TNR: variants seen among roughly 807,000 people sequenced by gnomAD.
TNR encodes tenascin-R.
A neutral mutation model predicts 150.4 loss-of-function variants in TNR; 45 were observed. The observed-to-expected ratio is 0.30, with a 90% confidence interval of 0.24 to 0.38. The LOEUF is 0.38. TNR is among the 10% of genes least tolerant of loss of function. The pLI is 1.00. For missense variants in TNR, 1,544 were observed against 1,759.1 expected, an observed-to-expected ratio of 0.88 and a Z score of 2.19; for synonymous variants, 687 against 678.4, an observed-to-expected ratio of 1.01 and a Z score of -0.20.
At chr1:175,550,723 T>C (rs1189908873) in intron 1 of TNR, among the ~76,000 whole-genome samples, 1 of 150,376 alleles carries the variant, frequency 6.6e-6, no homozygotes, top group Non-Finnish European at 1.5e-5. Context: ...ATCTCTAGTA[T>C]AGAAAAAAAT....
At chr1:175,415,294 T>A (rs1052399088) in intron 2 of TNR, among the ~76,000 whole-genome samples, 2 of 152,220 alleles carry the variant, frequency 1.3e-5, no homozygotes, top group Non-Finnish European at 2.9e-5. Flanking sequence ...GAGGCAGCGC[T>A]GGGCTGCTGG....
At position 175,322,444 on chromosome 1, in the gene TNR, A is replaced by G. The variant is rs965385488; in HGVS notation, c.*913T>C. ...AAAGGTAACAGGACATGTGGCTGGT[A>G]TAATAAGAGTGTCAGAAGATGAGAA... is the stretch of plus-strand genomic sequence containing the variant. On this transcript the variant is annotated 3_prime_UTR_variant, in exon 23 of 23. Transcript: ENST00000367674. 6.6e-6 allele frequency: 1 copy of G among 152,276 alleles called. No individual in the cohort carries two copies. Among genetic ancestry groups the G allele is most frequent in the Non-Finnish European group, 1.5e-5 (1 of 68,078 alleles). 9.4% of individuals were successfully genotyped at this position (152,276 alleles called of 1,614,324 possible). A position where few individuals can be genotyped will look rare whatever the true frequency, so the allele number is the denominator to read the frequency against.
intron 1 of TNR, among the ~76,000 whole-genome samples, chr1:175,693,622 A>G (rs920602408): frequency 6.6e-6 from 1 of 152,186 alleles, no homozygotes; most frequent in Non-Finnish European, 1.5e-5. Flanking sequence ...AGGGATGGGG[A>G]TGAGGCAAAC....
intron 2 of TNR, among the ~76,000 whole-genome samples, chr1:175,453,436 G>A (rs1656417457): frequency 6.6e-6 from 1 of 152,166 alleles, no homozygotes; most frequent in South Asian, 2.1e-4. Flanking sequence ...TCACAAAGAT[G>A]AGCCCGGAGA....
At chr1:175,422,752 A>G (rs1022240062) in intron 2 of TNR, among the ~76,000 whole-genome samples, 4 of 152,018 alleles carry the variant, frequency 2.6e-5, no homozygotes, top group Admixed American at 1.3e-4. Context: ...ACACTCCCCA[A>G]TTGTCTTTCC....
chr1:175,516,397 A>C (rs999761142), intron 2 of TNR, among the ~76,000 whole-genome samples: 11 of 152,226 alleles, frequency 7.2e-5, no homozygotes, highest in Non-Finnish European at 1.6e-4. Context: ...CCAGGAGGAA[A>C]GTGGCACTTC....
intron 18 of TNR, among the ~76,000 whole-genome samples, chr1:175,343,715 A>C (rs1318789814): frequency 2.0e-5 from 3 of 152,214 alleles, no homozygotes; most frequent in Non-Finnish European, 4.4e-5. Flanking sequence ...TGTTAAATGT[A>C]TGATGCCATG....
At chr1:175,530,066 A>G (rs1660004739) in intron 1 of TNR, among the ~76,000 whole-genome samples, 1 of 152,256 alleles carries the variant, frequency 6.6e-6, no homozygotes, top group Non-Finnish European at 1.5e-5. Flanking sequence ...TATTATAATA[A>G]AAAAGTCAAT....
intron 1 of TNR, among the ~76,000 whole-genome samples, chr1:175,556,245 A>G (rs2102204595): frequency 6.6e-6 from 1 of 152,272 alleles, no homozygotes. Flanking sequence ...TCAGAAGGCT[A>G]ACAATCTAAA....
At chr1:175,671,268 A>G (rs894000101) in intron 1 of TNR, among the ~76,000 whole-genome samples, 1 of 151,762 alleles carries the variant, frequency 6.6e-6, no homozygotes, top group African/African-American at 2.4e-5. Flanking sequence ...TGCCTACTGA[A>G]CTCCTCCTTT....
intron 1 of TNR, among the ~76,000 whole-genome samples, chr1:175,675,141 G>A (rs993515645): frequency 6.6e-6 from 1 of 152,248 alleles, no homozygotes; most frequent in African/African-American, 2.4e-5. Flanking sequence ...AAGTTGCAGA[G>A]CAGCCAGGCA....
chr1:175,692,928 T>C (rs1428051427), intron 1 of TNR, among the ~76,000 whole-genome samples: 1 of 152,336 alleles, frequency 6.6e-6, no homozygotes, highest in African/African-American at 2.4e-5. Flanking sequence ...TTGGGAAGAA[T>C]GTTCACCCAT....
At chr1:175,657,887 A>AT (rs1553251721) in intron 1 of TNR, among the ~76,000 whole-genome samples, 5 of 126,210 alleles carry the variant, frequency 4.0e-5, no homozygotes, top group African/African-American at 5.7e-5. Flanking sequence ...ATATATATGT[A>AT]ACAAACCTGC....
At chr1:175,480,007 C>T (rs142466066) in intron 2 of TNR, among the ~76,000 whole-genome samples, 168 of 152,130 alleles carry the variant, frequency 1.1e-3, no homozygotes, top group African/African-American at 3.9e-3. Flanking sequence ...TGATACCAGC[C>T]AAGTAGGAGA....
intron 2 of TNR, among the ~76,000 whole-genome samples, chr1:175,412,035 G>T (rs1456659079): frequency 1.3e-5 from 2 of 152,118 alleles, no homozygotes; most frequent in Non-Finnish European, 2.9e-5. Context: ...AATCAGACTT[G>T]CTGCAGACAA....
chr1:175,376,832 T>A (rs1396097333), intron 9 of TNR, among the ~76,000 whole-genome samples: 1 of 145,230 alleles, frequency 6.9e-6, no homozygotes, highest in Non-Finnish European at 1.5e-5. Flanking sequence ...CTCCCTGAGA[T>A]AATTATGTGT....
chr1:175,737,686 C>T (rs1435946800), intron 1 of TNR, among the ~76,000 whole-genome samples: 2 of 152,228 alleles, frequency 1.3e-5, no homozygotes, highest in African/African-American at 2.4e-5. Flanking sequence ...ACCACAACTT[C>T]CTCCTGGGTC....
intron 1 of TNR, among the ~76,000 whole-genome samples, chr1:175,603,125 G>C (rs1663302675): frequency 6.6e-6 from 1 of 152,128 alleles, no homozygotes. Flanking sequence ...TAGTGTGGTG[G>C]GTAACAAAAG....
At chr1:175,481,617 C>G (rs1052691196) in intron 2 of TNR, among the ~76,000 whole-genome samples, 3 of 152,152 alleles carry the variant, frequency 2.0e-5, no homozygotes, top group Admixed American at 6.5e-5. Context: ...GAAACCTGAT[C>G]AGACTACATG....
Sources: gnomAD v4.1 joint callset for allele counts (sites outside exome capture counted in the v4.1 genomes callset) on GRCh38, gnomAD v4.1.1 for gene constraint, MANE v1.5 for transcripts, NCBI Gene and HGNC (gene_info 2026-07-23, HGNC 2026-07-21) for gene names.